The following RIOX2 variants were observed in gnomAD, a reference collection of about 807,000 sequenced individuals.
RIOX2 encodes the protein 60S ribosomal protein L27a histidine hydroxylase.
Under a neutral mutation model 51.2 loss-of-function variants are expected in RIOX2, and 43 were observed. That is an observed-to-expected ratio of 0.84 (90% confidence interval 0.66 to 1.08). RIOX2 has a LOEUF of 1.08. RIOX2 is among the 50% of genes least tolerant of loss of function. The pLI is 0.00. For missense variants in RIOX2, 566 were observed against 561.7 expected (o/e 1.01, Z -0.08); for synonymous variants, 226 against 218.5 (o/e 1.03, Z -0.30).
intron 2 of RIOX2, 56 bp downstream of exon 2, chr3:97,967,106 G>A: frequency 1.3e-6 from 2 of 1,555,554 alleles, no homozygotes; most frequent in Middle Eastern, 3.5e-4. Flanking sequence ...CTGATATGTG[G>A]CCAAATGTTA....
rs1272273923 is a variant in RIOX2 at position 97,942,520 on chromosome 3, G to A, written c.*2664C>T. 2.3e-5 allele frequency: 30 copies of A among 1,308,750 alleles called. No homozygotes were observed. The allele number at this position is 1,308,750 out of a possible 1,614,324, so 81.1% of individuals were successfully genotyped here. ...CCAAATCTCCTCATTTTGGGTAAAG[G>A]ACATCCTTATGTATAAGAGAAATGT... On this transcript the variant is annotated 3_prime_UTR_variant, in exon 10 of 10. Coordinates refer to ENST00000394198, the MANE Select transcript of RIOX2 (RefSeq NM_153182.4).
intron 4 of RIOX2, among the ~76,000 whole-genome samples, chr3:97,957,409 T>C (rs1462707582): frequency 6.6e-6 from 1 of 151,374 alleles, no homozygotes; most frequent in African/African-American, 2.4e-5. Context: ...GGCAGGAGAA[T>C]TGCTTGAACC....
rs781366240 is a variant in RIOX2 at position 97,942,404 on chromosome 3, A to C, written c.*2780T>G. On this transcript the variant is annotated 3_prime_UTR_variant, in exon 10 of 10. Coordinates refer to ENST00000394198, the MANE Select transcript of RIOX2 (RefSeq NM_153182.4). ...GAGACTGAATAAAAATGGAACTATC[A>C]GCTCTTATCTCAGTGATCAACTTGT... 1.9e-6 allele frequency: 3 copies of C among 1,611,690 alleles called. No individual in the cohort carries two copies. In the South Asian group the frequency reaches 3.3e-5, roughly 18 times the overall value.
At chr3:97,960,139 A>G (rs1344948477) in intron 3 of RIOX2, among the ~76,000 whole-genome samples, 2 of 152,158 alleles carry the variant, frequency 1.3e-5, no homozygotes, top group Non-Finnish European at 2.9e-5. Flanking sequence ...GAATAACACC[A>G]TGGGACCCAT....
chr3:97,945,925 C>T (rs1478929705), intron 8 of RIOX2, 38 bp from the exon 9 acceptor site: 4 of 1,438,436 alleles, frequency 2.8e-6, no homozygotes, highest in Non-Finnish European at 3.9e-6. Context: ...CCATCAACAA[C>T]ACAACACTGA....
At position 97,945,155 on chromosome 3, in the gene RIOX2, A is replaced by AAT. The variant is rs1480720572; in HGVS notation, c.*27_*28dup. On this transcript the variant is annotated 3_prime_UTR_variant, in exon 10 of 10. Coordinates refer to ENST00000394198, the MANE Select transcript of RIOX2 (RefSeq NM_153182.4). ...CTTTTCTTTTAATATATGCATATAA[A>AAT]ATAGTAGGCATTTGATTCTGCAAAG... 1 of 1,578,586 alleles carries AAT rather than the reference A, an allele frequency of 6.3e-7. No homozygotes were observed. Among genetic ancestry groups the AAT allele is most frequent in the East Asian group, 2.3e-5 (1 of 44,282 alleles).
intron 6 of RIOX2, 140 bp downstream of exon 6, chr3:97,950,646 A>T: frequency 1.5e-6 from 1 of 649,512 alleles, no homozygotes. Flanking sequence ...TCATTCTGCA[A>T]GTCACACAGC....
At position 97,943,752 on chromosome 3, in the gene RIOX2, T is replaced by G. The variant is rs2040287649; in HGVS notation, c.*1432A>C. ...CAGATTTCTATAGGTCAAGTCATAC[T>G]TTTGCAAACAGATGAGTAATTTTTT... is the stretch of plus-strand genomic sequence containing the variant. On this transcript the variant is annotated 3_prime_UTR_variant, in exon 10 of 10. Transcript: ENST00000394198. The G allele has an allele frequency of 7.8e-6, 1 of 127,570 alleles. No homozygotes were observed. The highest frequency in any genetic ancestry group is 2.6e-4 in the South Asian group (1 of 3,808). The allele number at this position is 127,570 out of a possible 1,614,324, so 7.9% of individuals were successfully genotyped here. A position where few individuals can be genotyped will look rare whatever the true frequency, so the allele number is the denominator to read the frequency against.
At position 97,945,276 on chromosome 3, in the gene RIOX2, T is replaced by C; in HGVS notation, c.1306A>G (p.Ile436Val). 1.9e-6 allele frequency: 3 copies of C among 1,612,674 alleles called. No homozygotes were observed. Among genetic ancestry groups the C allele is most frequent in the Non-Finnish European group, 2.5e-6 (3 of 1,178,992 alleles). ...ALKQIWNSPA[I>V]SVKDLKLTTD... is the part of the protein sequence containing the mutation. ...GTAAGTTTCAGGTCCTTGACAGAAA[T>C]AGCTGGACTATTCCAAATTTGCTTC... The change falls in exon 10 of 10, where the codon ATT becomes GTT. Residue 436 changes from isoleucine (I) to valine (V), a missense_variant. Coordinates refer to ENST00000394198, the MANE Select transcript of RIOX2 (RefSeq NM_153182.4).
intron 2 of RIOX2, 103 bp from the exon 3 acceptor site, chr3:97,961,811 G>A (rs71311339): frequency 0.032 from 40,548 of 1,251,212 alleles, 793 homozygotes; most frequent in Non-Finnish European, 0.038. Flanking sequence ...AGTCTTTACT[G>A]CACAACTATT....
intron 4 of RIOX2, among the ~76,000 whole-genome samples, chr3:97,958,616 A>G (rs1220625670): frequency 6.6e-6 from 1 of 152,200 alleles, no homozygotes; most frequent in African/African-American, 2.4e-5. Context: ...CTGGAATTTT[A>G]GCAACAACAA....
intron 7 of RIOX2, among the ~76,000 whole-genome samples, chr3:97,948,762 T>C (rs1336662394): frequency 6.6e-6 from 1 of 152,042 alleles, no homozygotes; most frequent in Non-Finnish European, 1.5e-5. Context: ...TACACCTGAG[T>C]CCTATAAGTC....
chr3:97,965,229 A>AG (rs1705843238), intron 2 of RIOX2, among the ~76,000 whole-genome samples: 1 of 149,482 alleles, frequency 6.7e-6, no homozygotes, highest in Admixed American at 6.7e-5. Flanking sequence ...AAAAAAAAAA[A>AG]GGCCCAGCAC....
chr3:97,947,732 C>CT (rs1328910365), intron 7 of RIOX2, among the ~76,000 whole-genome samples: 1 of 152,164 alleles, frequency 6.6e-6, no homozygotes, highest in Admixed American at 6.5e-5. Flanking sequence ...AGTACAGTGG[C>CT]TATCATAGCA....
intron 3 of RIOX2, among the ~76,000 whole-genome samples, chr3:97,961,380 T>C (rs910035370): frequency 6.6e-6 from 1 of 152,234 alleles, no homozygotes; most frequent in Non-Finnish European, 1.5e-5. Context: ...AACAAGCTGT[T>C]CCTTTGAGAC....
At chr3:97,947,196 G>T (rs1324000288) in intron 8 of RIOX2, among the ~76,000 whole-genome samples, 165 bp downstream of exon 8, 1 of 152,120 alleles carries the variant, frequency 6.6e-6, no homozygotes, top group Non-Finnish European at 1.5e-5. Context: ...ATATGGAATT[G>T]GAACTGTGAG....
In RIOX2 at chr3:97,945,878, G is replaced by A; in HGVS notation, c.1159C>T (p.Gln387Ter). 6.2e-7 allele frequency: 1 copy of A among 1,605,948 alleles called. No homozygotes were observed. Among genetic ancestry groups the A allele is most frequent in the Non-Finnish European group, 8.5e-7 (1 of 1,173,584 alleles). The change falls in exon 9 of 10, where the codon CAA becomes TAA. Residue 387 changes from glutamine (Q) to a stop codon, truncating the protein, a stop_gained. Transcript: ENST00000394198. LOFTEE classifies it high-confidence loss of function. ...TGATAGATGTACACCATCTTTTCTT[G>A]AGCTTCATCCTTTGGGGAAAAAATA... ...LPDQDQSDEAQEKMVYIYHSL... is the reference protein window; with the variant it reads ...LPDQDQSDEA
At position 97,967,594 on chromosome 3, in the gene RIOX2, C is replaced by T. The variant is rs747558657; in HGVS notation, c.-1G>A. 1.5e-5 allele frequency: 24 copies of T among 1,571,692 alleles called. No homozygotes were observed. Among genetic ancestry groups the T allele is most frequent in the Non-Finnish European group, 1.8e-5 (21 of 1,164,488 alleles). On this transcript the variant is annotated 5_prime_UTR_variant, in exon 2 of 10. Transcript: ENST00000394198. ...CTGTAGGCTTTGCTTTCTTTGGCAT[C>T]GTTCTGTCTTCAAGACAAAGCAGTA...
chr3:97,967,867 T>C (rs1333758277), intron 1 of RIOX2, among the ~76,000 whole-genome samples: 1 of 152,180 alleles, frequency 6.6e-6, no homozygotes, highest in Non-Finnish European at 1.5e-5. Context: ...AAGAACGTGT[T>C]TTTCTTTTAC....
Sources: gnomAD v4.1 joint callset for allele counts (sites outside exome capture counted in the v4.1 genomes callset) on GRCh38, gnomAD v4.1.1 for gene constraint, MANE v1.5 for transcripts, NCBI Gene and HGNC (gene_info 2026-07-23, HGNC 2026-07-21) for gene names.